SYT1: variants seen among roughly 807,000 people sequenced by gnomAD.
SYT1 encodes the protein synaptotagmin 1.
SYT1 carries 8 observed loss-of-function variants against 44.8 expected under a neutral mutation model. That is an observed-to-expected ratio of 0.18 (90% CI 0.10 to 0.32). The LOEUF is 0.32. SYT1 is among the 10% of genes least tolerant of loss of function. The probability of loss-of-function intolerance (pLI) is 1.00; values close to 1 mark genes in which losing one functional copy is unlikely to be tolerated. For synonymous variants in SYT1, 154 were observed against 188.8 expected, an observed-to-expected ratio of 0.82 and a Z score of 1.51; for missense variants, 286 against 509.3, an observed-to-expected ratio of 0.56 and a Z score of 4.22.
chr12:79,060,389 A>G (rs1223561993), intron 3 of SYT1, among the ~76,000 whole-genome samples: 2 of 151,960 alleles, frequency 1.3e-5, no homozygotes, highest in Non-Finnish European at 2.9e-5. Context: ...GTACATTCAC[A>G]CTGTTGTTTG....
intron 8 of SYT1, among the ~76,000 whole-genome samples, chr12:79,335,104 T>G (rs1333144281): frequency 6.6e-6 from 1 of 152,172 alleles, no homozygotes; most frequent in Non-Finnish European, 1.5e-5. Flanking sequence ...TACATTATAG[T>G]AAAGTGCTTG....
At chr12:78,990,233 T>C (rs763876288) in intron 2 of SYT1, among the ~76,000 whole-genome samples, 1 of 152,130 alleles carries the variant, frequency 6.6e-6, no homozygotes, top group Non-Finnish European at 1.5e-5. Context: ...TTCATTTGTT[T>C]CTGAGACTCT....
intron 4 of SYT1, among the ~76,000 whole-genome samples, chr12:79,228,118 T>A (rs1351848420): frequency 6.6e-6 from 1 of 151,462 alleles, no homozygotes; most frequent in Non-Finnish European, 1.5e-5. Flanking sequence ...GATTCACATA[T>A]CTGATAATGC....
intron 9 of SYT1, among the ~76,000 whole-genome samples, chr12:79,371,980 T>A (rs1443203016): frequency 2.6e-5 from 4 of 152,218 alleles, no homozygotes; most frequent in Non-Finnish European, 4.4e-5. Flanking sequence ...CACTGACTGT[T>A]GTGTTTCTTC....
chr12:78,929,409 C>CAAA (rs10646738), intron 1 of SYT1, among the ~76,000 whole-genome samples: 2,836 of 43,786 alleles, frequency 0.065, 1,391 homozygotes, highest in Admixed American at 0.12. Context: ...GACTCCGTCC[C>CAAA]AAAAAAAAAA....
rs535929479 is a variant in SYT1, at chr12:79,192,194, A to G, written c.-17-25309A>G. Among the ~76,000 whole-genome samples the G allele has an allele frequency of 1.5e-3, 233 of 152,212 alleles. 2 individuals carry two copies. Among genetic ancestry groups the G allele is most frequent in the Non-Finnish European group, 2.7e-3 (185 of 68,038 alleles). On this transcript the variant is annotated intron_variant, in intron 3 of 10. Coordinates refer to ENST00000261205, the MANE Select transcript of SYT1 (RefSeq NM_005639.3). ...GCAAGGACTAGGAGTGAGAAGGAAC[A>G]GGAGTGTGTGTTTTAGTGAAAAGAG...
At chr12:79,224,006 A>G (rs567438632) in intron 4 of SYT1, among the ~76,000 whole-genome samples, 1 of 152,016 alleles carries the variant, frequency 6.6e-6, no homozygotes, top group Admixed American at 6.6e-5. Context: ...TCTTCAATGC[A>G]TTTTTTCTTA....
intron 3 of SYT1, among the ~76,000 whole-genome samples, chr12:79,174,868 T>G (rs574367068): frequency 6.6e-6 from 1 of 152,068 alleles, no homozygotes; most frequent in Non-Finnish European, 1.5e-5. Context: ...TACAAGGTCT[T>G]GCCAACACAT....
intron 8 of SYT1, among the ~76,000 whole-genome samples, chr12:79,303,246 A>G (rs530617609): frequency 6.6e-6 from 1 of 152,096 alleles, no homozygotes; most frequent in South Asian, 2.1e-4. Flanking sequence ...TCAGTTCTGC[A>G]CCCCAGGATC....
intron 1 of SYT1, among the ~76,000 whole-genome samples, chr12:78,934,557 G>A (rs1026708187): frequency 1.3e-5 from 2 of 151,820 alleles, no homozygotes; most frequent in Admixed American, 6.6e-5. Flanking sequence ...CAAATAAAAC[G>A]AAATAACAAC....
At chr12:79,171,707 G>T (rs1281594984) in intron 3 of SYT1, among the ~76,000 whole-genome samples, 1 of 151,858 alleles carries the variant, frequency 6.6e-6, no homozygotes, top group African/African-American at 2.4e-5. Flanking sequence ...AGAACCATAA[G>T]TTCTGGAGTT....
At chr12:79,062,779 G>A (rs567697382) in intron 3 of SYT1, among the ~76,000 whole-genome samples, 1 of 152,206 alleles carries the variant, frequency 6.6e-6, no homozygotes, top group East Asian at 1.9e-4. Flanking sequence ...ATGATGAATG[G>A]TTAGAAATGT....
At chr12:78,865,531 G>A (rs1412487451) in intron 1 of SYT1, among the ~76,000 whole-genome samples, 2 of 148,466 alleles carry the variant, frequency 1.3e-5, no homozygotes, top group Admixed American at 6.8e-5. Context: ...GTGAAGAAAG[G>A]AGAAAGATTT....
intron 3 of SYT1, among the ~76,000 whole-genome samples, chr12:79,111,831 A>T (rs1879028724): frequency 6.6e-6 from 1 of 152,056 alleles, no homozygotes; most frequent in African/African-American, 2.4e-5. Context: ...GTCTTCTGGT[A>T]AATTATAAGG....
intron 2 of SYT1, among the ~76,000 whole-genome samples, chr12:78,991,885 A>G (rs1290800867): frequency 6.6e-6 from 1 of 152,168 alleles, no homozygotes; most frequent in Non-Finnish European, 1.5e-5. Context: ...TTACTGTTTG[A>G]AAAAAGACTG....
intron 1 of SYT1, among the ~76,000 whole-genome samples, chr12:78,896,244 T>G (rs1020049936): frequency 1.3e-5 from 2 of 151,768 alleles, no homozygotes; most frequent in Non-Finnish European, 2.9e-5. Flanking sequence ...AAATTGCCTA[T>G]TTCTATGGTT....
chr12:79,217,440 C>T (rs1327655817), intron 3 of SYT1, 63 bp from the exon 4 acceptor site: 12 of 1,393,934 alleles, frequency 8.6e-6, no homozygotes, highest in African/African-American at 3.0e-5. Context: ...TCTGGGATAC[C>T]TTTGATGTGG....
intron 4 of SYT1, among the ~76,000 whole-genome samples, chr12:79,246,009 G>A (rs924823141): frequency 6.6e-6 from 1 of 152,052 alleles, no homozygotes; most frequent in Non-Finnish European, 1.5e-5. Context: ...TGAGATAAAT[G>A]TTTAGCATCC....
chr12:79,429,351 C>A (rs1031824148), intron 9 of SYT1, among the ~76,000 whole-genome samples: 1 of 151,920 alleles, frequency 6.6e-6, no homozygotes, highest in African/African-American at 2.4e-5. Flanking sequence ...GAACTACAGG[C>A]ACCAGCCACC....
Sources: allele counts gnomAD v4.1 joint callset (sites outside exome capture counted in the v4.1 genomes callset), GRCh38; gene constraint gnomAD v4.1.1; transcripts MANE v1.5; gene names NCBI Gene and HGNC (gene_info 2026-07-23, HGNC 2026-07-21).